AGBL5: variants seen among roughly 807,000 people sequenced by gnomAD.
AGBL5 encodes the protein AGBL carboxypeptidase 5, also known as cytosolic carboxypeptidase-like protein 5.
In AGBL5, 51 loss-of-function variants were observed where a neutral mutation model predicts 88.0. The observed-to-expected ratio is 0.58, with a 90% confidence interval of 0.46 to 0.73. The LOEUF is 0.73. AGBL5 is among the 30% of genes least tolerant of loss of function. AGBL5 has a pLI of 0.00. For synonymous variants in AGBL5, 446 were observed against 438.8 expected, an observed-to-expected ratio of 1.02 and a Z score of -0.21; for missense variants, 1,031 against 1,162.2, an observed-to-expected ratio of 0.89 and a Z score of 1.64.
In AGBL5 at chr2:27,053,653, A is replaced by C; in HGVS notation, c.387+80A>C. The C allele has an allele frequency of 2.0e-6, 3 of 1,520,604 alleles. No individual in the cohort carries two copies. Among genetic ancestry groups the C allele is most frequent in the Middle Eastern group, 2.3e-4 (1 of 4,302 alleles). The allele number at this position is 1,520,604 out of a possible 1,614,324, so 94.2% of individuals were successfully genotyped here. On this transcript the variant is annotated intron_variant, in intron 3 of 14. Transcript: ENST00000360131. The surrounding 1 kb of genome is among the most constrained non-coding windows in gnomAD (Gnocchi z 4.9). Reference sequence around the variant, plus strand: ...AGTAAAGCGTTTTTTTTTCCTTGATACAAGTATGAAGCAGGTGGGACAACA... The same window carrying C: ...AGTAAAGCGTTTTTTTTTCCTTGATCCAAGTATGAAGCAGGTGGGACAACA...
rs1668958396 is a variant in AGBL5 at position 27,065,835 on chromosome 2, C to T, written c.2090-1659C>T. ...GAAACAGTTCCAGAGGAACCACACA[C>T]AACTAGTAGCCATGGGGTCTATAGC... On this transcript the variant is annotated intron_variant, in intron 11 of 14. Coordinates refer to ENST00000360131, the MANE Select transcript of AGBL5 (RefSeq NM_021831.6). 2.6e-5 allele frequency among the ~76,000 whole-genome samples: 4 copies of T among 152,332 alleles called. No homozygotes were observed. The South Asian group carries it at 8.3e-4, about 32-fold the overall frequency.
At chr2:27,058,734 T>A in intron 10 of AGBL5, 132 bp downstream of exon 10, 1 of 985,418 alleles carries the variant, frequency 1.0e-6, no homozygotes, top group Non-Finnish European at 1.5e-6. Context: ...CAGGGTAAAT[T>A]AAAATTAGTC....
rs773259169 is a variant in AGBL5, at chr2:27,055,697, A to C, written c.924A>C (p.Gly308=). Residue 308 remains glycine, a synonymous_variant, in exon 7 of 15, where the codon GGA becomes GGC. Coordinates refer to ENST00000360131, the MANE Select transcript of AGBL5 (RefSeq NM_021831.6). ...TTTCCTACAGCACAGACTCACGTGGAGTGAATCTGAACCGTCAGTACCTGA... is the reference window on the plus strand; with the variant it reads ...TTTCCTACAGCACAGACTCACGTGGCGTGAATCTGAACCGTCAGTACCTGA... ...VRGHYRTDSR[G]VNLNRQYLKP... The C allele has an allele frequency of 6.2e-7, 1 of 1,613,286 alleles. No homozygotes were observed. The highest frequency in any genetic ancestry group is 8.5e-7 in the Non-Finnish European group (1 of 1,179,492).
In AGBL5 at chr2:27,055,064, C is replaced by G. The variant is rs776245158; in HGVS notation, c.730-11C>G. The G allele has an allele frequency of 6.2e-7, 1 of 1,613,114 alleles. No homozygotes were observed. Among genetic ancestry groups the G allele is most frequent in the Admixed American group, 1.7e-5 (1 of 60,016 alleles). ...TAACTGACTTAATGTCTGCTCTCCT[C>G]TCTACCTCAGATATTCTTCTTAAGC... On this transcript the variant is annotated splice_polypyrimidine_tract_variant and intron_variant, in intron 5 of 14. Transcript: ENST00000360131.
chr2:27,060,596 C>T lies in AGBL5; in HGVS notation c.2089+1192C>T, dbSNP rs1668666364. ...TTGTTAGCTTTTCCCAGCTTGCACC[C>T]TAGCTGTTGGTACAGACCAGACATG... is the stretch of plus-strand genomic sequence containing the variant. On this transcript the variant is annotated intron_variant, in intron 11 of 14. Transcript: ENST00000360131. 2.6e-5 allele frequency among the ~76,000 whole-genome samples: 4 copies of T among 152,218 alleles called. No individual in the cohort carries two copies. In the South Asian group the frequency reaches 6.2e-4, roughly 24 times the overall value.
rs1572822591 is a variant in AGBL5 at position 27,059,102 on chromosome 2, G to A, written c.1875-88G>A. ...GTCCCTGTGCCTTTTTACCCCAGAG[G>A]TGAAGCTTTACTGAGCAGCAGATCC... On this transcript the variant is annotated intron_variant, in intron 10 of 14. Coordinates refer to ENST00000360131, the MANE Select transcript of AGBL5 (RefSeq NM_021831.6). 13 of 1,328,576 alleles carry A rather than the reference G, an allele frequency of 9.8e-6. No individual in the cohort carries two copies. In the South Asian group the frequency reaches 1.2e-4, roughly 13 times the overall value. 82.3% of individuals were successfully genotyped at this position (1,328,576 alleles called of 1,614,324 possible).
rs769436105 is a variant in AGBL5 at position 27,053,548 on chromosome 2, G to A, written c.362G>A (p.Arg121His). ...RTLPTRPRWERIRDRPTFEMT... is the reference protein window; with the variant it reads ...RTLPTRPRWEHIRDRPTFEMT... Reference sequence around the variant, plus strand: ...CTGCCCACCCGGCCACGCTGGGAACGCATTCGAGACCGGCCCACCTTTGAG... The same window carrying A: ...CTGCCCACCCGGCCACGCTGGGAACACATTCGAGACCGGCCCACCTTTGAG... The change falls in exon 3 of 15, where the codon CGC becomes CAC. Residue 121 changes from arginine to histidine, a missense_variant. Physicochemically the swap from Arg to His is conservative, Grantham distance 29 (BLOSUM62 0). This residue lies in a region of AGBL5 where 540 missense variants were observed against 678.2 expected (regional missense o/e 0.80). Coordinates refer to ENST00000360131, the MANE Select transcript of AGBL5 (RefSeq NM_021831.6). This position sits in a 1 kb window ranked among gnomAD's most constrained non-coding sequence, Gnocchi z 4.9. 8 of 1,613,382 alleles carry A rather than the reference G, an allele frequency of 5.0e-6. No individual in the cohort carries two copies. In the African/African-American group the frequency reaches 6.7e-5, roughly 13 times the overall value.
Position 27,053,266 on chromosome 2 carries a change from G to A in AGBL5, c.215+93G>A. ...TCTGTTCATACCCAGCATACTCCCT[G>A]TCCATTTCTGACCCATCGTCCCTCC... On this transcript the variant is annotated intron_variant, in intron 2 of 14. Coordinates refer to ENST00000360131, the MANE Select transcript of AGBL5 (RefSeq NM_021831.6). The surrounding 1 kb of genome is among the most constrained non-coding windows in gnomAD (Gnocchi z 4.9). 1 of 1,518,944 alleles carries A rather than the reference G, an allele frequency of 6.6e-7. No individual in the cohort carries two copies. Among genetic ancestry groups the A allele is most frequent in the Non-Finnish European group, 8.9e-7 (1 of 1,121,934 alleles). 94.1% of individuals were successfully genotyped at this position (1,518,944 alleles called of 1,614,324 possible).
At chr2:27,058,005 G>A (rs914111685) in intron 9 of AGBL5, among the ~76,000 whole-genome samples, 1 of 150,686 alleles carries the variant, frequency 6.6e-6, no homozygotes, top group South Asian at 2.1e-4. Flanking sequence ...GAACCCGGGA[G>A]GCAGAGGTTG....
intron 11 of AGBL5, among the ~76,000 whole-genome samples, chr2:27,065,433 C>G (rs994152492): frequency 1.3e-5 from 2 of 152,174 alleles, no homozygotes; most frequent in Admixed American, 6.5e-5. Flanking sequence ...TAGACTCCCA[C>G]AGATGATTGA....
chr2:27,059,463 G>A (rs927133437), intron 11 of AGBL5, 59 bp downstream of exon 11: 2 of 1,605,804 alleles, frequency 1.2e-6, no homozygotes, highest in Admixed American at 3.4e-5. Flanking sequence ...ATTGCTGGGG[G>A]AAGTAAGAGC....
chr2:27,055,711 G>T lies in AGBL5; in HGVS notation c.938G>T (p.Arg313Leu), dbSNP rs1400709852. 1 of 1,613,780 alleles carries T rather than the reference G, an allele frequency of 6.2e-7. No homozygotes were observed. Among genetic ancestry groups the T allele is most frequent in the African/African-American group, 1.3e-5 (1 of 74,890 alleles). The change falls in exon 7 of 15, where the codon CGT becomes CTT. Residue 313 changes from arginine (R) to leucine (L), a missense_variant. This residue lies in a region of AGBL5 where 540 missense variants were observed against 678.2 expected (regional missense o/e 0.80). Coordinates refer to ENST00000360131, the MANE Select transcript of AGBL5 (RefSeq NM_021831.6). Reference sequence around the variant, plus strand: ...GACTCACGTGGAGTGAATCTGAACCGTCAGTACCTGAAGCCTGATGCCGTC... The same window carrying T: ...GACTCACGTGGAGTGAATCTGAACCTTCAGTACCTGAAGCCTGATGCCGTC... Reference protein sequence around the residue: ...RTDSRGVNLNRQYLKPDAVLH... With the variant: ...RTDSRGVNLNLQYLKPDAVLH...
rs767515022 is a variant in AGBL5 at position 27,053,438 on chromosome 2, A to G, written c.252A>G (p.Pro84=). 3.1e-6 allele frequency: 5 copies of G among 1,614,140 alleles called. No homozygotes were observed. The South Asian group carries it at 5.5e-5, about 18-fold the overall frequency. ...ACTTCAGCGTCCGGGGAGGAATGCC[A>G]GGAAAACTCATCAAGATCAACATTA... ...WFYFSVRGGM[P]GKLIKINIMN... The change falls in exon 3 of 15, where the codon CCA becomes CCG. Residue 84 remains proline, a synonymous_variant. Coordinates refer to ENST00000360131, the MANE Select transcript of AGBL5 (RefSeq NM_021831.6). This position sits in a 1 kb window ranked among gnomAD's most constrained non-coding sequence, Gnocchi z 4.9.
chr2:27,067,325 G>A lies in AGBL5; in HGVS notation c.2090-169G>A, dbSNP rs143520099. 5.6e-4 allele frequency among the ~76,000 whole-genome samples: 85 copies of A among 150,668 alleles called. 1 individual carries two copies. Among genetic ancestry groups the A allele is most frequent in the African/African-American group, 1.9e-3 (80 of 41,062 alleles). ...AATGGATAACTGTAATAAATAGTAGGTCTTTCTACCCATCTTATATTAATA... is the reference window on the plus strand; with the variant it reads ...AATGGATAACTGTAATAAATAGTAGATCTTTCTACCCATCTTATATTAATA... On this transcript the variant is annotated intron_variant, in intron 11 of 14. Coordinates refer to ENST00000360131, the MANE Select transcript of AGBL5 (RefSeq NM_021831.6).
intron 11 of AGBL5, among the ~76,000 whole-genome samples, chr2:27,066,856 GGGT>G: frequency 6.6e-6 from 1 of 152,214 alleles, no homozygotes; most frequent in South Asian, 2.1e-4. Context: ...AAGCCAAGGC[GGGT>G]GGATCAGAAG....
At chr2:27,065,914 T>C (rs977752566) in intron 11 of AGBL5, among the ~76,000 whole-genome samples, 5 of 152,198 alleles carry the variant, frequency 3.3e-5, no homozygotes, top group Non-Finnish European at 7.3e-5. Context: ...AGACTGGAAC[T>C]ATAGTGGGCA....
chr2:27,070,116 G>A lies in AGBL5; in HGVS notation c.2514G>A (p.Arg838=), dbSNP rs1156774108. 6.2e-7 allele frequency: 1 copy of A among 1,613,906 alleles called. No homozygotes were observed. The highest frequency in any genetic ancestry group is 8.5e-7 in the Non-Finnish European group (1 of 1,179,850). ...GGCTGCCTCAGGCCAGGCCCCCACG[G>A]CCCCGCTCTGCCCCTGCCTTTTCTC... ...TPGLPQARPP[R]PRSAPAFSPI... Residue 838 remains arginine (R), a synonymous_variant, in exon 15 of 15, where the codon CGG becomes CGA. Transcript: ENST00000360131.
rs1668290738 is a variant in AGBL5, at chr2:27,053,705, T to C, written c.387+132T>C. 7.2e-7 allele frequency: 1 copy of C among 1,382,518 alleles called. No individual in the cohort carries two copies. The highest frequency in any genetic ancestry group is 9.7e-7 in the Non-Finnish European group (1 of 1,033,932). The allele number at this position is 1,382,518 out of a possible 1,614,324, so 85.6% of individuals were successfully genotyped here. On this transcript the variant is annotated intron_variant, in intron 3 of 14. Transcript: ENST00000360131. This position sits in a 1 kb window ranked among gnomAD's most constrained non-coding sequence, Gnocchi z 4.9. ...GTTTAAGTATCAGCTTTTTCTCCAG[T>C]GTTAGCTAGAGTCCAAGATGAGCCC...
In AGBL5 at chr2:27,058,491, A is replaced by G. The variant is rs777211683; in HGVS notation, c.1763A>G (p.Asn588Ser). ...IVLSEHSSLT[N>S]LRAWMLKHVR... Reference sequence around the variant, plus strand: ...CTGTCAGAGCACAGCAGCCTTACTAATCTACGGGCCTGGATGCTGAAACAT... The same window carrying G: ...CTGTCAGAGCACAGCAGCCTTACTAGTCTACGGGCCTGGATGCTGAAACAT... Residue 588 changes from asparagine (N) to serine (S), a missense_variant, in exon 10 of 15, where the codon AAT (asparagine) becomes AGT (serine). Around this residue, in one of 2 missense-constraint regions of AGBL5, gnomAD observed 491 missense variants for 484.0 expected, o/e 1.01. Transcript: ENST00000360131. 3 of 1,614,006 alleles carry G rather than the reference A, an allele frequency of 1.9e-6. No individual in the cohort carries two copies. In the African/African-American group the frequency reaches 4.0e-5, roughly 22 times the overall value.
Sources: gnomAD v4.1 joint callset for allele counts (sites outside exome capture counted in the v4.1 genomes callset) on GRCh38, gnomAD v4.1.1 for gene constraint, gnomAD v4.1.1 regional missense constraint, Gnocchi (gnomAD v3.1) non-coding constraint, MANE v1.5 for transcripts, NCBI Gene and HGNC (gene_info 2026-07-23, HGNC 2026-07-21) for gene names.